Variants in FER1L6 observed in about 807,000 individuals in gnomAD.
FER1L6 encodes the protein fer-1 like family member 6.
FER1L6 carries 177 observed loss-of-function variants against 219.2 expected under a neutral mutation model. The observed-to-expected ratio is 0.81, with a 90% CI of 0.71 to 0.91. The LOEUF (loss-of-function observed/expected upper bound fraction) is 0.91, where lower values mean the gene tolerates loss of function less well. FER1L6 is among the 40% of genes least tolerant of loss of function. FER1L6 has a pLI of 0.00. For synonymous variants in FER1L6, 768 were observed against 824.3 expected (o/e 0.93, Z 1.17); for missense variants, 2,153 against 2,259.9 (o/e 0.95, Z 0.96).
At chr8:124,074,169 A>G (rs1821185266) in intron 31 of FER1L6, among the ~76,000 whole-genome samples, 1 of 152,186 alleles carries the variant, frequency 6.6e-6, no homozygotes, top group Non-Finnish European at 1.5e-5. Flanking sequence ...TGACAGTTTA[A>G]GGCCTAGGTT....
In FER1L6 at chr8:123,883,570, A is replaced by G. The variant is rs116814811; in HGVS notation, c.-8+31385A>G. ...AGATTCAGGTTGACGTCTGTTCAGA[A>G]CCTTTTATGCTATTCCTGCTGCTAT... On this transcript the variant is annotated intron_variant, in intron 1 of 40. Transcript: ENST00000522917. Among the ~76,000 whole-genome samples the G allele has an allele frequency of 7.2e-3, 1,102 of 152,260 alleles. 11 individuals carry two copies. The highest frequency in any genetic ancestry group is 0.025 in the African/African-American group (1,053 of 41,552).
chr8:123,979,978 A>G, intron 10 of FER1L6, among the ~76,000 whole-genome samples: 1 of 152,200 alleles, frequency 6.6e-6, no homozygotes, highest in East Asian at 1.9e-4. Context: ...CTCTAGCCAG[A>G]ACACACACTC....
intron 10 of FER1L6, among the ~76,000 whole-genome samples, chr8:123,979,254 C>A (rs186422097): frequency 6.6e-6 from 1 of 152,252 alleles, no homozygotes; most frequent in East Asian, 1.9e-4. Flanking sequence ...TAAGGGCCTG[C>A]GTGAAGCACT....
At chr8:124,038,767 G>A (rs78978179) in intron 19 of FER1L6, among the ~76,000 whole-genome samples, 3,828 of 152,206 alleles carry the variant, frequency 0.025, 157 homozygotes, top group African/African-American at 0.086. Flanking sequence ...TGGCATTGTA[G>A]GGGGTGGAGG....
intron 37 of FER1L6, among the ~76,000 whole-genome samples, chr8:124,099,980 A>G (rs1822483096): frequency 6.6e-6 from 1 of 152,118 alleles, no homozygotes; most frequent in South Asian, 2.1e-4. Flanking sequence ...AGCAAGGACC[A>G]TCTCTGCTCC....
chr8:123,904,293 C>T (rs927248017), intron 1 of FER1L6, among the ~76,000 whole-genome samples: 1 of 146,954 alleles, frequency 6.8e-6, no homozygotes, highest in Non-Finnish European at 1.5e-5. Context: ...GCACCACTCC[C>T]AGGCAGGTCT....
chr8:123,888,544 T>A (rs562925732), intron 1 of FER1L6, among the ~76,000 whole-genome samples: 1 of 152,322 alleles, frequency 6.6e-6, no homozygotes, highest in African/African-American at 2.4e-5. Flanking sequence ...CAGGGTTGGG[T>A]CTGGTCAGTA....
intron 1 of FER1L6, among the ~76,000 whole-genome samples, chr8:123,893,090 G>A (rs1425467737): frequency 6.6e-6 from 1 of 152,088 alleles, no homozygotes; most frequent in African/African-American, 2.4e-5. Context: ...AAATTTCCTT[G>A]TCAACTGGGT....
intron 22 of FER1L6, among the ~76,000 whole-genome samples, chr8:124,057,027 G>C (rs1434913491): frequency 1.3e-5 from 2 of 152,152 alleles, no homozygotes. Context: ...CTGGGTGACA[G>C]AGTGAGACTG....
At chr8:123,990,338 A>C (rs1054131434) in intron 12 of FER1L6, among the ~76,000 whole-genome samples, 4 of 152,172 alleles carry the variant, frequency 2.6e-5, no homozygotes, top group African/African-American at 9.7e-5. Flanking sequence ...TTACATTCCC[A>C]CCAGCAGTCT....
At chr8:123,969,886 A>AAC in intron 5 of FER1L6, 149 bp from the exon 6 acceptor site, 3 of 576,082 alleles carry the variant, frequency 5.2e-6, no homozygotes, top group African/African-American at 2.0e-5. Flanking sequence ...AAAAAAAAAA[A>AAC]GAGAATTGAC....
chr8:123,853,649 C>G lies in FER1L6; in HGVS notation c.-8+1464C>G, dbSNP rs1438218604. 2.6e-5 allele frequency among the ~76,000 whole-genome samples: 4 copies of G among 152,088 alleles called. No homozygotes were observed. The highest frequency in any genetic ancestry group is 5.9e-5 in the Non-Finnish European group (4 of 68,026). On this transcript the variant is annotated intron_variant, in intron 1 of 40. Transcript: ENST00000522917. The surrounding 1 kb of genome is among the most constrained non-coding windows in gnomAD (Gnocchi z 6.6). ...GTAGGTACGCCTCACCACGGGCAAG[C>G]GTGGAGTAACATATTTTGAGAGAAC... is the stretch of plus-strand genomic sequence containing the variant.
chr8:124,084,603 GA>G (rs1293951925), intron 33 of FER1L6, among the ~76,000 whole-genome samples: 1 of 152,022 alleles, frequency 6.6e-6, no homozygotes, highest in Non-Finnish European at 1.5e-5. Flanking sequence ...TACATCCCTG[GA>G]ATAAATTCCA....
At chr8:124,045,556 C>T (rs1819688211) in intron 20 of FER1L6, among the ~76,000 whole-genome samples, 1 of 152,176 alleles carries the variant, frequency 6.6e-6, no homozygotes. Flanking sequence ...TAAGAATGTA[C>T]GCTTCTCCAC....
intron 12 of FER1L6, among the ~76,000 whole-genome samples, chr8:124,000,831 C>T (rs1343908368): frequency 6.6e-6 from 1 of 152,166 alleles, no homozygotes; most frequent in East Asian, 1.9e-4. Flanking sequence ...TTAAGCCGTA[C>T]AGCTGGAAGC....
At chr8:124,094,784 G>A (rs1317207368) in intron 34 of FER1L6, 112 bp from the exon 35 acceptor site, 1 of 1,228,262 alleles carries the variant, frequency 8.1e-7, no homozygotes, top group Non-Finnish European at 1.2e-6. Flanking sequence ...ACTGCACCCA[G>A]CCCCTTGGTA....
intron 1 of FER1L6, among the ~76,000 whole-genome samples, chr8:123,935,997 A>G (rs1813977267): frequency 6.6e-6 from 1 of 151,790 alleles, no homozygotes; most frequent in Non-Finnish European, 1.5e-5. Flanking sequence ...AGCGTTTCCT[A>G]GGGTTGGGAA....
In FER1L6 at chr8:124,097,313, C is replaced by T. The variant is rs867388937; in HGVS notation, c.4738C>T (p.Pro1580Ser). The change falls in exon 36 of 41, where the codon CCT becomes TCT. Residue 1580 changes from proline to serine, a missense_variant. Physicochemically the swap from Pro to Ser is moderately conservative, Grantham distance 74. Coordinates refer to ENST00000522917, the MANE Select transcript of FER1L6 (RefSeq NM_001039112.2). ...GGTGGACATGTTTCCCAAGGATATG[C>T]CTCAACCTGGACCTCCTGTTGACAT... is the stretch of plus-strand genomic sequence containing the variant. ...MWVDMFPKDM[P>S]QPGPPVDISP... 6.2e-7 allele frequency: 1 copy of T among 1,613,466 alleles called. No homozygotes were observed. The highest frequency in any genetic ancestry group is 1.1e-5 in the South Asian group (1 of 91,002).
At chr8:123,906,255 A>T (rs1812950737) in intron 1 of FER1L6, among the ~76,000 whole-genome samples, 1 of 152,144 alleles carries the variant, frequency 6.6e-6, no homozygotes, top group African/African-American at 2.4e-5. Flanking sequence ...TCTCAGTTAG[A>T]TGCCAGCACC....
Sources: allele counts gnomAD v4.1 joint callset (sites outside exome capture counted in the v4.1 genomes callset), GRCh38; gene constraint gnomAD v4.1.1; non-coding constraint Gnocchi (gnomAD v3.1); transcripts MANE v1.5; gene names NCBI Gene and HGNC (gene_info 2026-07-23, HGNC 2026-07-21).